ATXN2: variants seen among roughly 807,000 people sequenced by gnomAD.
ATXN2 encodes ataxin-2.
In ATXN2, 37 loss-of-function variants were observed where a neutral mutation model predicts 138.6. That is an observed-to-expected ratio of 0.27 (90% CI 0.21 to 0.35). The LOEUF (loss-of-function observed/expected upper bound fraction) is 0.35. Ranked by LOEUF, ATXN2 falls within the 10% of genes least tolerant of loss-of-function variation. The pLI is 1.00. For missense variants in ATXN2, 1,216 were observed against 1,480.3 expected (o/e 0.82, Z 2.93); for synonymous variants, 549 against 543.7 (o/e 1.01, Z -0.13).
At chr12:111,462,635 C>A (rs1875664228) in intron 21 of ATXN2, among the ~76,000 whole-genome samples, 1 of 152,164 alleles carries the variant, frequency 6.6e-6, no homozygotes, top group African/African-American at 2.4e-5. Context: ...CTGTTAGTTT[C>A]TTTTAAAAAG....
intron 1 of ATXN2, among the ~76,000 whole-genome samples, chr12:111,563,735 G>A (rs996950611): frequency 6.6e-6 from 1 of 152,042 alleles, no homozygotes; most frequent in South Asian, 2.1e-4. Context: ...GTTTTTAATT[G>A]GAGACTATAA....
chr12:111,497,085 A>G (rs1878464675), intron 14 of ATXN2, among the ~76,000 whole-genome samples: 1 of 152,194 alleles, frequency 6.6e-6, no homozygotes, highest in Non-Finnish European at 1.5e-5. Flanking sequence ...ATGAGCATCT[A>G]TATGCTGATA....
intron 1 of ATXN2, among the ~76,000 whole-genome samples, chr12:111,592,476 C>T (rs553431330): frequency 6.6e-6 from 1 of 151,438 alleles, no homozygotes; most frequent in East Asian, 2.0e-4. Context: ...AACACAAGTA[C>T]TTTCATTTAA....
chr12:111,468,696 C>CTTTTTTTTT (rs1007805276), intron 20 of ATXN2: 4 of 108,492 alleles, frequency 3.7e-5, no homozygotes, highest in African/African-American at 1.1e-4. Flanking sequence ...TCTGTAAATT[C>CTTTTTTTTT]TTTTTTTTTT....
intron 1 of ATXN2, chr12:111,581,543 G>C (rs556797139): frequency 1.0e-6 from 1 of 987,876 alleles, no homozygotes; most frequent in South Asian, 1.3e-5. Context: ...CTCCGTGCCC[G>C]ACCATGTCGT....
At chr12:111,535,515 G>T (rs1056763003) in intron 5 of ATXN2, among the ~76,000 whole-genome samples, 2 of 152,004 alleles carry the variant, frequency 1.3e-5, no homozygotes, top group Non-Finnish European at 2.9e-5. Context: ...TCAGCTTCTC[G>T]GGAGGCTCAG....
At chr12:111,568,718 T>C (rs1378402955) in intron 1 of ATXN2, among the ~76,000 whole-genome samples, 2 of 152,168 alleles carry the variant, frequency 1.3e-5, no homozygotes, top group East Asian at 3.9e-4. Flanking sequence ...AACTATTATG[T>C]CTACCCGTTT....
chr12:111,552,405 T>C lies in ATXN2; in HGVS notation c.446A>G (p.His149Arg). 6 of 1,612,494 alleles carry C rather than the reference T, an allele frequency of 3.7e-6. No homozygotes were observed. The highest frequency in any genetic ancestry group is 5.1e-6 in the Non-Finnish European group (6 of 1,179,554). Reference sequence around the variant, plus strand: ...CGAACTGGATTCTGTACTTTTCTCATGTGCGGCATCAAGTACCAAATCACA... The same window carrying C: ...CGAACTGGATTCTGTACTTTTCTCACGTGCGGCATCAAGTACCAAATCACA... ...PKCDLVLDAAHEKSTESSSGP... is the reference protein window; with the variant it reads ...PKCDLVLDAAREKSTESSSGP... Residue 149 changes from histidine (H) to arginine (R), a missense_variant, in exon 5 of 25, where the codon CAT (histidine) becomes CGT (arginine). His to Arg is a conservative substitution (Grantham distance 29). Coordinates refer to ENST00000673436, the MANE Select transcript of ATXN2 (RefSeq NM_001372574.1). The surrounding 1 kb of genome is among the most constrained non-coding windows in gnomAD (Gnocchi z 4.1).
At chr12:111,586,008 T>C (rs1389926576) in intron 1 of ATXN2, among the ~76,000 whole-genome samples, 2 of 151,904 alleles carry the variant, frequency 1.3e-5, no homozygotes, top group Admixed American at 6.6e-5. Flanking sequence ...GTGAACCACC[T>C]GCCTCAGCCT....
chr12:111,453,209 C>A lies in ATXN2; in HGVS notation c.3440-369G>T, dbSNP rs1565998270. Reference sequence around the variant, plus strand: ...CAAGTAGTAGAGCACAATCACAGGGCGCTCTCCCCTGTTCAGGGGCTGGGG... The same window carrying A: ...CAAGTAGTAGAGCACAATCACAGGGAGCTCTCCCCTGTTCAGGGGCTGGGG... On this transcript the variant is annotated intron_variant, in intron 24 of 24. Coordinates refer to ENST00000673436, the MANE Select transcript of ATXN2 (RefSeq NM_001372574.1). This position sits in a 1 kb window ranked among gnomAD's most constrained non-coding sequence, Gnocchi z 5.4. 1.4e-5 allele frequency: 15 copies of A among 1,089,506 alleles called. No individual in the cohort carries two copies. Among genetic ancestry groups the A allele is most frequent in the Non-Finnish European group, 1.7e-5 (15 of 896,518 alleles). 67.5% of individuals were successfully genotyped at this position (1,089,506 alleles called of 1,614,324 possible).
chr12:111,505,410 CAACCAACAG>C (rs1879045729), intron 14 of ATXN2, among the ~76,000 whole-genome samples: 1 of 152,124 alleles, frequency 6.6e-6, no homozygotes, highest in Admixed American at 6.5e-5. Context: ...AGTAAAAAGA[CAACCAACAG>C]AACAGGAGAA....
At chr12:111,495,787 C>T (rs1801756875) in intron 14 of ATXN2, among the ~76,000 whole-genome samples, 2 of 152,094 alleles carry the variant, frequency 1.3e-5, no homozygotes, top group Admixed American at 1.3e-4. Flanking sequence ...ATAGAATACA[C>T]ATTCTTCTCC....
chr12:111,555,216 G>A (rs1882325932), intron 2 of ATXN2, among the ~76,000 whole-genome samples: 1 of 152,074 alleles, frequency 6.6e-6, no homozygotes, highest in Admixed American at 6.6e-5. Context: ...CACTCTTGGT[G>A]TTCTACGTAT....
At chr12:111,565,298 C>T (rs573874572) in intron 1 of ATXN2, among the ~76,000 whole-genome samples, 1 of 152,278 alleles carries the variant, frequency 6.6e-6, no homozygotes, top group East Asian at 1.9e-4. Context: ...AACCCCGAGT[C>T]GGGCAAGTCC....
At chr12:111,499,130 A>G (rs1213974685) in intron 14 of ATXN2, among the ~76,000 whole-genome samples, 1 of 152,206 alleles carries the variant, frequency 6.6e-6, no homozygotes, top group African/African-American at 2.4e-5. Context: ...CAGGGACATT[A>G]CTCTGGGCAA....
At chr12:111,475,958 A>C (rs1876788982) in intron 18 of ATXN2, among the ~76,000 whole-genome samples, 1 of 151,734 alleles carries the variant, frequency 6.6e-6, no homozygotes, top group African/African-American at 2.4e-5. Flanking sequence ...GCACGCATAC[A>C]CACACACTTT....
At chr12:111,575,857 G>T (rs567425184) in intron 1 of ATXN2, among the ~76,000 whole-genome samples, 30 of 152,312 alleles carry the variant, frequency 2.0e-4, no homozygotes, top group Admixed American at 1.8e-3. Context: ...GCCAAGGCGG[G>T]TGGATCATGA....
chr12:111,577,683 C>T (rs1270572245), intron 1 of ATXN2, among the ~76,000 whole-genome samples: 1 of 152,158 alleles, frequency 6.6e-6, no homozygotes, highest in Non-Finnish European at 1.5e-5. Context: ...GTAATCCCAG[C>T]ACTTTGGGAG....
chr12:111,561,801 G>C (rs1302450210), intron 1 of ATXN2, among the ~76,000 whole-genome samples: 2 of 151,892 alleles, frequency 1.3e-5, no homozygotes, highest in African/African-American at 4.8e-5. Context: ...CTGGGTGACA[G>C]AGCAAGACTC....
Sources: gnomAD v4.1 joint callset for allele counts (sites outside exome capture counted in the v4.1 genomes callset) on GRCh38, gnomAD v4.1.1 for gene constraint, Gnocchi (gnomAD v3.1) non-coding constraint, MANE v1.5 for transcripts, NCBI Gene and HGNC (gene_info 2026-07-23, HGNC 2026-07-21) for gene names.